TRMT1: variants seen among roughly 807,000 people sequenced by gnomAD.
TRMT1 encodes the protein tRNA methyltransferase 1.
TRMT1 carries 63 observed loss-of-function variants against 75.4 expected under a neutral mutation model. The ratio of observed to expected loss-of-function variants is 0.84; its 90% CI spans 0.68 to 1.03. The LOEUF is 1.03. TRMT1 is among the 50% of genes least tolerant of loss of function. TRMT1 has a pLI of 0.00. For missense variants in TRMT1, 870 were observed against 905.3 expected, an observed-to-expected ratio of 0.96 and a Z score of 0.50; for synonymous variants, 382 against 358.1, an observed-to-expected ratio of 1.07 and a Z score of -0.75.
intron 5 of TRMT1, 137 bp from the exon 6 acceptor site, chr19:13,113,148 G>GTCAT: frequency 2.0e-6 from 1 of 502,848 alleles, no homozygotes; most frequent in Non-Finnish European, 3.4e-6. Context: ...TCCTGGCTCA[G>GTCAT]TCATTTATTT....
intron 14 of TRMT1, among the ~76,000 whole-genome samples, chr19:13,106,033 G>T (rs182243810): frequency 4.0e-5 from 6 of 151,886 alleles, no homozygotes; most frequent in Admixed American, 3.3e-4. Flanking sequence ...CTGCACTCCA[G>T]CCTGGGCAAG....
intron 7 of TRMT1, among the ~76,000 whole-genome samples, chr19:13,111,382 AT>A (rs201288485): frequency 0.011 from 1,404 of 130,420 alleles, 8 homozygotes; most frequent in Middle Eastern, 0.037. Context: ...GGGTCAGACC[AT>A]TTTTTTTTTT....
In TRMT1 at chr19:13,109,852, G is replaced by A. The variant is rs201665197; in HGVS notation, c.1107-14C>T. ...GAGAACTTGGCCCTAAACAGAGAGG[G>A]GTGGTTGGTGGGGAGGGAGGAAAAC... is the stretch of plus-strand genomic sequence containing the variant. On this transcript the variant is annotated splice_polypyrimidine_tract_variant and intron_variant, in intron 9 of 16. Coordinates refer to ENST00000357720, the MANE Select transcript of TRMT1 (RefSeq NM_001136035.4). 3.7e-6 allele frequency: 6 copies of A among 1,613,970 alleles called. No homozygotes were observed. In the Admixed American group the frequency reaches 1.0e-4, roughly 27 times the overall value.
In TRMT1 at chr19:13,110,325, T is replaced by C; in HGVS notation, c.871-19A>G. The stretch of plus-strand genomic sequence containing the variant: ...TCAGGGCCTGGGGGTGGGGGGTGGG[T>C]GTCAGCCTCCCCTCCACTATCCACC... On this transcript the variant is annotated intron_variant, in intron 7 of 16. Coordinates refer to ENST00000357720, the MANE Select transcript of TRMT1 (RefSeq NM_001136035.4). 5.1e-6 allele frequency: 4 copies of C among 780,936 alleles called. No homozygotes were observed. Among genetic ancestry groups the C allele is most frequent in the East Asian group, 2.9e-5 (1 of 35,028 alleles). 48.4% of individuals were successfully genotyped at this position (780,936 alleles called of 1,614,324 possible).
intron 12 of TRMT1, 98 bp downstream of exon 12, chr19:13,109,283 C>T (rs1040860334): frequency 4.3e-6 from 6 of 1,409,096 alleles, no homozygotes; most frequent in Non-Finnish European, 5.9e-6. Context: ...CCGGGTTCTC[C>T]CCACCCCCTC....
intron 14 of TRMT1, among the ~76,000 whole-genome samples, chr19:13,106,234 A>G (rs182903866): frequency 1.3e-5 from 2 of 151,838 alleles, no homozygotes; most frequent in African/African-American, 4.8e-5. Context: ...ATGCCCAGCT[A>G]ATTTTTTTAG....
intron 12 of TRMT1, among the ~76,000 whole-genome samples, chr19:13,108,912 A>ATT (rs74181811): frequency 8.6e-4 from 109 of 126,066 alleles, no homozygotes; most frequent in African/African-American, 1.8e-3. Context: ...GCCTGGCCTA[A>ATT]TTTTTTTTTT....
At position 13,113,111 on chromosome 19, in the gene TRMT1, C is replaced by G. The variant is rs1042796846; in HGVS notation, c.642-100G>C. On this transcript the variant is annotated intron_variant, in intron 5 of 16. Transcript: ENST00000357720. ...TACAGCACAGTGGTTTGGGTCTGAA[C>G]TCCGGGGCCAGATTCCCAAGTTCAA... is the stretch of plus-strand genomic sequence containing the variant. 5.5e-6 allele frequency: 4 copies of G among 726,550 alleles called. No homozygotes were observed. In the African/African-American group the frequency reaches 7.3e-5, roughly 13 times the overall value. The allele number at this position is 726,550 out of a possible 1,614,324, so 45.0% of individuals were successfully genotyped here.
intron 14 of TRMT1, among the ~76,000 whole-genome samples, chr19:13,107,237 C>T (rs1387444400): frequency 6.6e-6 from 1 of 152,062 alleles, no homozygotes; most frequent in African/African-American, 2.4e-5. Flanking sequence ...CAGGTTCAAG[C>T]GATTCTCCTG....
At chr19:13,107,916 A>C in intron 12 of TRMT1, 57 bp from the exon 13 acceptor site, 1 of 1,447,936 alleles carries the variant, frequency 6.9e-7, no homozygotes, top group Non-Finnish European at 9.5e-7. Context: ...CCAAAGCCCA[A>C]GCTGACCAGC....
In TRMT1 at chr19:13,115,736, C is replaced by T. The variant is rs143246127; in HGVS notation, c.343G>A (p.Val115Met). The change falls in exon 4 of 17, where the codon GTG becomes ATG. Residue 115 changes from valine to methionine, a missense_variant. Physicochemically the swap from Val to Met is conservative, Grantham distance 21 (BLOSUM62 1). Coordinates refer to ENST00000357720, the MANE Select transcript of TRMT1 (RefSeq NM_001136035.4). ...TCTTGCTCTGACAAGTCCACGACCA[C>T]TTTTTGCGTGTCCTTCTCTCCTGGA... ...KVPGEKDTQK[V>M]VVDLSEQEEE... 3.9e-4 allele frequency: 627 copies of T among 1,614,138 alleles called. No individual in the cohort carries two copies. Among genetic ancestry groups the T allele is most frequent in the Non-Finnish European group, 4.9e-4 (584 of 1,180,032 alleles).
At chr19:13,107,992 T>C (rs1305935255) in intron 12 of TRMT1, 133 bp from the exon 13 acceptor site, 33 of 546,708 alleles carry the variant, frequency 6.0e-5, no homozygotes, top group Middle Eastern at 4.4e-4. Context: ...TTTCTTTTTT[T>C]TTTTTTTTTT....
rs879122568 is a variant in TRMT1 at position 13,112,879 on chromosome 19, T to C, written c.757+17A>G. ...ACCCCAAGCCCTGCTCCCACCCCAG[T>C]GCCATCCCCACCTCACCTCCTTCAC... On this transcript the variant is annotated intron_variant, in intron 6 of 16. Coordinates refer to ENST00000357720, the MANE Select transcript of TRMT1 (RefSeq NM_001136035.4). 6.2e-7 allele frequency: 1 copy of C among 1,612,786 alleles called. No homozygotes were observed. Among genetic ancestry groups the C allele is most frequent in the South Asian group, 1.1e-5 (1 of 90,880 alleles).
chr19:13,112,243 C>A (rs536075467), intron 7 of TRMT1, among the ~76,000 whole-genome samples: 3 of 152,010 alleles, frequency 2.0e-5, no homozygotes, highest in African/African-American at 7.3e-5. Flanking sequence ...CCTGCCTAGG[C>A]CTCCCAAAGT....
intron 12 of TRMT1, among the ~76,000 whole-genome samples, 193 bp from the exon 13 acceptor site, chr19:13,108,052 G>A (rs1472619124): frequency 2.1e-5 from 3 of 139,672 alleles, no homozygotes; most frequent in South Asian, 4.7e-4. Context: ...GTGCAATGGC[G>A]CAATCTTGGC....
chr19:13,112,854 AC>A (rs771676616), intron 6 of TRMT1, 37 bp from the exon 7 acceptor site: 5 of 1,612,500 alleles, frequency 3.1e-6, no homozygotes, highest in Non-Finnish European at 4.2e-6. Context: ...ACCCTCCAAC[AC>A]CCCAAGCCCT....
intron 7 of TRMT1, among the ~76,000 whole-genome samples, chr19:13,112,085 G>A (rs772750810): frequency 4.6e-4 from 70 of 151,816 alleles, no homozygotes; most frequent in Non-Finnish European, 1.0e-4. Flanking sequence ...CGCCTCCTGG[G>A]TTCAAGTGAT....
Position 13,115,414 on chromosome 19 carries a change from C to T in TRMT1, c.506G>A (p.Arg169Gln), listed in dbSNP as rs985143890. 1 of 1,614,022 alleles carries T rather than the reference C, an allele frequency of 6.2e-7. No homozygotes were observed. Among genetic ancestry groups the T allele is most frequent in the African/African-American group, 1.3e-5 (1 of 75,032 alleles). Residue 169 changes from arginine (R) to glutamine (Q), a missense_variant, in exon 5 of 17, where the codon CGA becomes CAA. By Grantham distance (43) the Arg-to-Gln change is conservative (BLOSUM62 1). Transcript: ENST00000357720. The stretch of plus-strand genomic sequence containing the variant: ...GAGCCCAGGCACCTCTAGGGCAAAT[C>T]GAATGGAACGTAGGCCTGAAGCTGC... ...GLAASGLRSI[R>Q]FALEVPGLRS...
In TRMT1 at chr19:13,105,513, CCA is replaced by C. The variant is rs1357408107; in HGVS notation, c.1675_1676del (p.Trp559GlyfsTer51). 2 of 1,614,070 alleles carry C rather than the reference CCA, an allele frequency of 1.2e-6. No individual in the cohort carries two copies. Among genetic ancestry groups the C allele is most frequent in the Non-Finnish European group, 1.7e-6 (2 of 1,180,016 alleles). On this transcript the variant is annotated frameshift_variant, in exon 15 of 17. Transcript: ENST00000357720. LOFTEE classifies it high-confidence loss of function. ...CTGGCCGGGCACGAGGCCGGGGACC[CCA>C]GTTGGCCTCCGGGTTAGCCTGGAAG... ...KRFQANPEAN[W>X]GPRPRARPGG...
Sources: gnomAD v4.1 joint callset for allele counts (sites outside exome capture counted in the v4.1 genomes callset) on GRCh38, gnomAD v4.1.1 for gene constraint, MANE v1.5 for transcripts, NCBI Gene and HGNC (gene_info 2026-07-23, HGNC 2026-07-21) for gene names.